Variants in PTGES3 observed in about 807,000 individuals in gnomAD.
The protein encoded by PTGES3 is prostaglandin E synthase 3.
A neutral mutation model predicts 29.9 loss-of-function variants in PTGES3; 5 were observed. That is an observed-to-expected ratio of 0.17 (90% confidence interval 0.09 to 0.35). The LOEUF is 0.35. Among genes scored for constraint, PTGES3 ranks in the 10% least tolerant of loss-of-function variants. The pLI is 1.00. For synonymous variants in PTGES3, 49 were observed against 57.8 expected (o/e 0.85, Z 0.69); for missense variants, 128 against 190.0 (o/e 0.67, Z 1.92).
chr12:56,686,451 G>A (rs1314603263), intron 1 of PTGES3, among the ~76,000 whole-genome samples: 2 of 151,990 alleles, frequency 1.3e-5, no homozygotes, highest in Admixed American at 6.6e-5. Flanking sequence ...TCGGCTCACC[G>A]CAACCTCCAC....
At position 56,664,348 on chromosome 12, in the gene PTGES3, GA is replaced by G; in HGVS notation, c.*130del. On this transcript the variant is annotated 3_prime_UTR_variant, in exon 8 of 8. Coordinates refer to ENST00000262033, the MANE Select transcript of PTGES3 (RefSeq NM_006601.7). ...AAGCCTTTTAAAAAACAAACAGGTT[GA>G]AAAATGGGTTAAAGTAGGCAAATAC... 3 of 1,083,812 alleles carry G rather than the reference GA, an allele frequency of 2.8e-6. No homozygotes were observed. The highest frequency in any genetic ancestry group is 2.7e-6 in the Non-Finnish European group (2 of 738,300). 67.1% of individuals were successfully genotyped at this position (1,083,812 alleles called of 1,614,324 possible).
At chr12:56,665,993 T>C in intron 6 of PTGES3, 3 of 1,286,616 alleles carry the variant, frequency 2.3e-6, no homozygotes, top group Non-Finnish European at 3.0e-6. Context: ...GGAAATCTAA[T>C]CCATTTAGGA....
At chr12:56,671,889 T>C (rs757517121) in intron 3 of PTGES3, 42 bp from the exon 4 acceptor site, 13 of 1,232,946 alleles carry the variant, frequency 1.1e-5, no homozygotes, top group Non-Finnish European at 1.5e-5. Flanking sequence ...CTTTCCAGCA[T>C]CACTACATGA....
intron 1 of PTGES3, among the ~76,000 whole-genome samples, chr12:56,677,109 G>A (rs913530793): frequency 6.6e-6 from 1 of 151,646 alleles, no homozygotes; most frequent in Non-Finnish European, 1.5e-5. Flanking sequence ...GCATGGTGGT[G>A]CACACCTGTG....
chr12:56,664,561 C>A (rs1951720965), intron 7 of PTGES3, 63 bp from the exon 8 acceptor site: 1 of 1,529,896 alleles, frequency 6.5e-7, no homozygotes, highest in South Asian at 1.2e-5. Flanking sequence ...ATTTTACTGT[C>A]TTAAAGGAAA....
intron 1 of PTGES3, among the ~76,000 whole-genome samples, chr12:56,685,573 T>C (rs1952800263): frequency 6.6e-6 from 1 of 150,656 alleles, no homozygotes; most frequent in Non-Finnish European, 1.5e-5. Context: ...GCTAATTTTT[T>C]GTATTTTTAG....
chr12:56,670,500 C>T (rs1394891546), intron 4 of PTGES3, 136 bp from the exon 5 acceptor site: 2 of 642,846 alleles, frequency 3.1e-6, no homozygotes, highest in African/African-American at 3.6e-5. Flanking sequence ...CAAGCATTCA[C>T]AGGTGCAATC....
intron 5 of PTGES3, among the ~76,000 whole-genome samples, chr12:56,667,546 C>T (rs887524119): frequency 6.6e-6 from 1 of 152,130 alleles, no homozygotes; most frequent in Non-Finnish European, 1.5e-5. Flanking sequence ...GCACGTCATG[C>T]TATGTGAAAT....
intron 1 of PTGES3, among the ~76,000 whole-genome samples, chr12:56,683,267 TG>T (rs1290908960): frequency 1.3e-5 from 2 of 150,972 alleles, no homozygotes; most frequent in Non-Finnish European, 3.0e-5. Context: ...GGTGATCACC[TG>T]AAGTCGGGAG....
At chr12:56,683,869 G>A (rs545291916) in intron 1 of PTGES3, among the ~76,000 whole-genome samples, 17 of 138,504 alleles carry the variant, frequency 1.2e-4, no homozygotes, top group African/African-American at 4.6e-4. Flanking sequence ...TGAGGCAAGA[G>A]AATGGCGTGA....
At chr12:56,671,066 C>T (rs1242642932) in intron 4 of PTGES3, among the ~76,000 whole-genome samples, 1 of 151,970 alleles carries the variant, frequency 6.6e-6, no homozygotes, top group African/African-American at 2.4e-5. Context: ...GCCATGTTCA[C>T]ACCAGTGCAC....
intron 7 of PTGES3, 86 bp downstream of exon 7, chr12:56,664,690 C>T: frequency 1.3e-6 from 2 of 1,492,608 alleles, no homozygotes; most frequent in Non-Finnish European, 1.8e-6. Context: ...AATTACTTTA[C>T]TTCCAAAGAA....
chr12:56,685,574 G>T (rs1170794752), intron 1 of PTGES3, among the ~76,000 whole-genome samples: 6 of 150,710 alleles, frequency 4.0e-5, no homozygotes, highest in African/African-American at 1.5e-4. Flanking sequence ...CTAATTTTTT[G>T]TATTTTTAGT....
intron 1 of PTGES3, among the ~76,000 whole-genome samples, chr12:56,683,525 C>T (rs1242977851): frequency 7.0e-6 from 1 of 142,958 alleles, no homozygotes; most frequent in Non-Finnish European, 1.5e-5. Context: ...GCGGCAGGCA[C>T]CTGGAATCCC....
intron 1 of PTGES3, among the ~76,000 whole-genome samples, chr12:56,675,678 T>G (rs552962411): frequency 6.6e-6 from 1 of 152,048 alleles, no homozygotes; most frequent in South Asian, 2.1e-4. Context: ...TCCAGCACTT[T>G]GGGAGGCTGA....
intron 1 of PTGES3, among the ~76,000 whole-genome samples, chr12:56,685,041 G>C (rs1285506380): frequency 1.3e-5 from 2 of 152,108 alleles, no homozygotes; most frequent in African/African-American, 4.8e-5. Flanking sequence ...AGGATCGCTT[G>C]AGCCCGGGAG....
At chr12:56,687,324 G>A in intron 1 of PTGES3, 3 of 989,290 alleles carry the variant, frequency 3.0e-6, no homozygotes, top group Non-Finnish European at 3.6e-6. Flanking sequence ...CCTGCTCAAT[G>A]GTAACTCCTC....
Position 56,672,739 on chromosome 12 carries a change from C to A in PTGES3, c.186+1G>T. ...TGGATTAAAGCATAAAGACTACTTACATTTGGATCAATACAGTGAAAAAGA... is the reference window on the plus strand; with the variant it reads ...TGGATTAAAGCATAAAGACTACTTAAATTTGGATCAATACAGTGAAAAAGA... On this transcript the variant is annotated splice_donor_variant, in intron 3 of 7. Transcript: ENST00000262033. LOFTEE classifies it high-confidence loss of function. 6.4e-7 allele frequency: 1 copy of A among 1,562,686 alleles called. No individual in the cohort carries two copies. Among genetic ancestry groups the A allele is most frequent in the Non-Finnish European group, 8.6e-7 (1 of 1,156,304 alleles).
intron 1 of PTGES3, among the ~76,000 whole-genome samples, chr12:56,673,865 G>A (rs1056441980): frequency 2.0e-4 from 30 of 151,710 alleles, no homozygotes; most frequent in Non-Finnish European, 2.1e-4. Context: ...TGAGGGATGG[G>A]ACTGAGGCAC....
Sources: gnomAD v4.1 joint callset for allele counts (sites outside exome capture counted in the v4.1 genomes callset) on GRCh38, gnomAD v4.1.1 for gene constraint, MANE v1.5 for transcripts, NCBI Gene and HGNC (gene_info 2026-07-23, HGNC 2026-07-21) for gene names.